PLCG2: variants seen among roughly 807,000 people sequenced by gnomAD.
PLCG2 encodes the protein phospholipase C gamma 2.
In PLCG2, 69 loss-of-function variants were observed where a neutral mutation model predicts 175.6. The observed-to-expected ratio is 0.39, with a 90% CI of 0.32 to 0.48. The LOEUF is 0.48. Ranked by LOEUF, PLCG2 falls within the 20% of genes least tolerant of loss-of-function variation. PLCG2 has a pLI of 0.91. For missense variants in PLCG2, 1,798 were observed against 1,650.9 expected, an observed-to-expected ratio of 1.09 and a Z score of -1.54; for synonymous variants, 827 against 624.0, an observed-to-expected ratio of 1.33 and a Z score of -4.85.
intron 2 of PLCG2, among the ~76,000 whole-genome samples, chr16:81,809,321 G>T (rs889121423): frequency 6.6e-6 from 1 of 152,114 alleles, no homozygotes; most frequent in African/African-American, 2.4e-5. Flanking sequence ...TGGCATGGCT[G>T]GGTGGGGAAT....
At chr16:81,791,886 A>G (rs1316266377) in intron 2 of PLCG2, among the ~76,000 whole-genome samples, 2 of 152,102 alleles carry the variant, frequency 1.3e-5, no homozygotes, top group Admixed American at 6.5e-5. Flanking sequence ...TGTTGACCAA[A>G]CATCTACCAT....
At chr16:81,908,635 C>T in intron 17 of PLCG2, 44 bp downstream of exon 17, 5 of 1,536,012 alleles carry the variant, frequency 3.3e-6, no homozygotes, top group Non-Finnish European at 4.4e-6. Flanking sequence ...TTCTCCATGC[C>T]AACCGATGAG....
At chr16:81,820,535 G>A (rs981292211) in intron 2 of PLCG2, among the ~76,000 whole-genome samples, 23 of 152,306 alleles carry the variant, frequency 1.5e-4, no homozygotes, top group African/African-American at 5.5e-4. Flanking sequence ...TCCAGTGACC[G>A]AATATACCAC....
chr16:81,786,215 G>T (rs4294811), intron 2 of PLCG2, 33 bp downstream of exon 2: 20 of 1,584,064 alleles, frequency 1.3e-5, no homozygotes, highest in Non-Finnish European at 1.7e-5. Context: ...AGTGTGGCCC[G>T]TCCTCTGGGG....
intron 30 of PLCG2, among the ~76,000 whole-genome samples, chr16:81,943,019 C>G (rs9922216): frequency 0.012 from 1,859 of 152,124 alleles, 43 homozygotes; most frequent in African/African-American, 0.043. Flanking sequence ...GTCATGAGGG[C>G]AGAGCTCATG....
chr16:81,932,200 A>T (rs540658062), intron 25 of PLCG2, among the ~76,000 whole-genome samples: 1 of 152,194 alleles, frequency 6.6e-6, no homozygotes, highest in East Asian at 1.9e-4. Context: ...GGAAGGTGTG[A>T]GCTTCTGGAT....
At chr16:81,764,981 C>T (rs529129410) in intron 2 of PLCG2, among the ~76,000 whole-genome samples, 22 of 123,104 alleles carry the variant, frequency 1.8e-4, no homozygotes, top group Admixed American at 1.7e-3. Context: ...CCCAGCTACT[C>T]GGGAGGCTGA....
intron 2 of PLCG2, among the ~76,000 whole-genome samples, chr16:81,772,679 G>A (rs1299247208): frequency 6.6e-6 from 1 of 151,364 alleles, no homozygotes; most frequent in Non-Finnish European, 1.5e-5. Context: ...AAAGCTGGGT[G>A]TGGTGGTGCA....
chr16:81,932,845 G>T (rs1910559952), intron 25 of PLCG2, among the ~76,000 whole-genome samples: 1 of 152,236 alleles, frequency 6.6e-6, no homozygotes, highest in African/African-American at 2.4e-5. Flanking sequence ...AGCCATGGGG[G>T]AGGAACCATG....
In PLCG2 at chr16:81,961,728, A is replaced by G. The variant is rs907076956; in HGVS notation, c.*3730A>G. 1.1e-4 allele frequency: 22 copies of G among 206,520 alleles called. No homozygotes were observed. Among genetic ancestry groups the G allele is most frequent in the African/African-American group, 5.0e-4 (22 of 43,842 alleles). 12.8% of individuals were successfully genotyped at this position (206,520 alleles called of 1,614,324 possible). The stretch of plus-strand genomic sequence containing the variant: ...GATCATAGTATCTATCAAATAACTT[A>G]TATTAAGAACCTCCTGGGCTAAATT... On this transcript the variant is annotated 3_prime_UTR_variant, in exon 33 of 33. Coordinates refer to ENST00000564138, the MANE Select transcript of PLCG2 (RefSeq NM_002661.5).
intron 2 of PLCG2, among the ~76,000 whole-genome samples, chr16:81,818,058 T>G (rs1904629712): frequency 6.6e-6 from 1 of 152,198 alleles, no homozygotes; most frequent in East Asian, 1.9e-4. Context: ...CTCGGTCACT[T>G]CCTCTCTGTC....
chr16:81,828,969 T>C (rs8061623), intron 2 of PLCG2, among the ~76,000 whole-genome samples: 65,379 of 152,014 alleles, frequency 0.43, 16,088 homozygotes, highest in African/African-American at 0.69. Flanking sequence ...TGTGGGCCAT[T>C]CTCTCAAACA....
At chr16:81,778,054 A>AAC (rs1400403820), upstream of PLCG2, among the ~76,000 whole-genome samples, 10 of 90,368 alleles carry the variant, frequency 1.1e-4, no homozygotes, top group Admixed American at 9.9e-4. Flanking sequence ...AAAAAAAAAA[A>AAC]CAAAAAAAAC....
intron 2 of PLCG2, among the ~76,000 whole-genome samples, chr16:81,771,796 T>G (rs1371201439): frequency 6.6e-6 from 1 of 152,034 alleles, no homozygotes; most frequent in Non-Finnish European, 1.5e-5. Flanking sequence ...GTTTGTTTGT[T>G]TTTTTGAGTT....
At chr16:81,899,353 AATGAT>A in intron 13 of PLCG2, among the ~76,000 whole-genome samples, 1 of 152,022 alleles carries the variant, frequency 6.6e-6, no homozygotes, top group Admixed American at 6.6e-5. Flanking sequence ...TACATGTACT[AATGAT>A]ATGTGAATTT....
intron 5 of PLCG2, among the ~76,000 whole-genome samples, chr16:81,868,240 C>G (rs1411523779): frequency 2.0e-5 from 3 of 152,300 alleles, no homozygotes; most frequent in Admixed American, 2.0e-4. Flanking sequence ...AACTTTAATG[C>G]CTGGATGACC....
chr16:81,936,594 T>G (rs1183438170), intron 27 of PLCG2, among the ~76,000 whole-genome samples: 2 of 152,200 alleles, frequency 1.3e-5, no homozygotes, highest in East Asian at 3.9e-4. Flanking sequence ...GCAGGCTTCG[T>G]GATTGTAAGT....
At chr16:81,777,572 T>C (rs1341520685), upstream of PLCG2, among the ~76,000 whole-genome samples, 1 of 152,048 alleles carries the variant, frequency 6.6e-6, no homozygotes, top group East Asian at 1.9e-4. Flanking sequence ...AAAAAATTGA[T>C]GTGTTAAGTG....
intron 5 of PLCG2, 62 bp from the exon 6 acceptor site, chr16:81,869,152 A>G: frequency 1.6e-6 from 2 of 1,233,256 alleles, no homozygotes; most frequent in Non-Finnish European, 1.2e-6. Flanking sequence ...TGATGGGAGC[A>G]GCTAAATCCT....
Sources: allele counts gnomAD v4.1 joint callset (sites outside exome capture counted in the v4.1 genomes callset), GRCh38; gene constraint gnomAD v4.1.1; transcripts MANE v1.5; gene names NCBI Gene and HGNC (gene_info 2026-07-23, HGNC 2026-07-21).